Variants in KIF11 observed in about 807,000 individuals in gnomAD.
The protein encoded by KIF11 is kinesin family member 11, also known as kinesin-like protein KIF11.
Under a neutral mutation model 121.0 loss-of-function variants are expected in KIF11, and 9 were observed. The observed-to-expected ratio is 0.07, with a 90% CI of 0.04 to 0.13. KIF11 has a LOEUF of 0.13. Ranked by LOEUF, KIF11 falls within the 10% of genes least tolerant of loss-of-function variation. The probability of loss-of-function intolerance (pLI) is 1.00; values close to 1 mark genes in which losing one functional copy is unlikely to be tolerated. For synonymous variants in KIF11, 408 were observed against 421.0 expected (o/e 0.97, Z 0.38); for missense variants, 846 against 1,217.5 (o/e 0.69, Z 4.54).
intron 8 of KIF11, among the ~76,000 whole-genome samples, chr10:92,614,434 G>A (rs1216458683): frequency 6.6e-6 from 1 of 152,126 alleles, no homozygotes; most frequent in Non-Finnish European, 1.5e-5. Flanking sequence ...AAAGAATCTG[G>A]ACATTGCATA....
intron 10 of KIF11, among the ~76,000 whole-genome samples, chr10:92,624,300 G>A (rs570989695): frequency 5.7e-5 from 8 of 141,532 alleles, no homozygotes; most frequent in South Asian, 2.2e-4. Context: ...GTGTGATCTC[G>A]GCTCACTGCA....
chr10:92,647,764 A>G (rs1039501188), intron 18 of KIF11, among the ~76,000 whole-genome samples: 17 of 152,138 alleles, frequency 1.1e-4, no homozygotes, highest in African/African-American at 4.1e-4. Context: ...AAGCTGGGTA[A>G]TGAATACAAG....
chr10:92,644,474 C>T (rs755000028), intron 17 of KIF11, among the ~76,000 whole-genome samples: 14 of 152,106 alleles, frequency 9.2e-5, no homozygotes, highest in Admixed American at 3.9e-4. Flanking sequence ...CCCACCACCA[C>T]GCCCGGCTAA....
intron 17 of KIF11, among the ~76,000 whole-genome samples, chr10:92,642,830 CT>C (rs771920831): frequency 4.6e-5 from 7 of 152,116 alleles, no homozygotes; most frequent in Non-Finnish European, 1.0e-4. Context: ...TGGTCTAAGT[CT>C]TTATATTTAA....
At chr10:92,596,270 C>T (rs1486240079) in intron 1 of KIF11, among the ~76,000 whole-genome samples, 3 of 152,228 alleles carry the variant, frequency 2.0e-5, no homozygotes, top group East Asian at 1.9e-4. Flanking sequence ...CCCTAAGAGC[C>T]GGGATTACAG....
In KIF11 at chr10:92,606,541, A is replaced by G. The variant is rs1589590354; in HGVS notation, c.211-78A>G. On this transcript the variant is annotated intron_variant, in intron 2 of 21. Transcript: ENST00000260731. ...CTTCTAGTGGGCTGAATTATGAATT[A>G]GTTAACATACGAAAAACAAAATTAT... 5.2e-6 allele frequency: 6 copies of G among 1,162,482 alleles called. No homozygotes were observed. In the East Asian group the frequency reaches 1.5e-4, roughly 28 times the overall value. 72.0% of individuals were successfully genotyped at this position (1,162,482 alleles called of 1,614,324 possible). A position where few individuals can be genotyped will look rare whatever the true frequency, so the allele number is the denominator to read the frequency against.
In KIF11 at chr10:92,648,304, T is replaced by C; in HGVS notation, c.2640T>C (p.Phe880=). The C allele has an allele frequency of 6.2e-7, 1 of 1,613,034 alleles. No homozygotes were observed. The highest frequency in any genetic ancestry group is 8.5e-7 in the Non-Finnish European group (1 of 1,179,058). ...KAAHEKQHNI[F]LDQMTIDEDK... The stretch of plus-strand genomic sequence containing the variant: ...CTCATGAGAAACAGCATAACATTTT[T>C]CTTGATCAGATGACTATTGATGAAG... The change falls in exon 19 of 22, where the codon TTT becomes TTC. Residue 880 remains phenylalanine (F), a synonymous_variant. Coordinates refer to ENST00000260731, the MANE Select transcript of KIF11 (RefSeq NM_004523.4).
At chr10:92,643,177 G>T (rs1451489237) in intron 17 of KIF11, among the ~76,000 whole-genome samples, 1 of 152,148 alleles carries the variant, frequency 6.6e-6, no homozygotes, top group African/African-American at 2.4e-5. Flanking sequence ...CTCCCAAAGT[G>T]CTGGGATTAT....
rs1845017164 is a variant in KIF11, at chr10:92,653,982, G to C, written c.*186G>C. On this transcript the variant is annotated 3_prime_UTR_variant, in exon 22 of 22. Coordinates refer to ENST00000260731, the MANE Select transcript of KIF11 (RefSeq NM_004523.4). ...GTGGATTGCTTGAGCCCAGGAGTTTGAGACCAGCCTGGCCAACGTGGCAAA... is the reference window on the plus strand; with the variant it reads ...GTGGATTGCTTGAGCCCAGGAGTTTCAGACCAGCCTGGCCAACGTGGCAAA... 9.5e-6 allele frequency: 4 copies of C among 422,468 alleles called. No individual in the cohort carries two copies. The highest frequency in any genetic ancestry group is 1.7e-5 in the Non-Finnish European group (4 of 236,130). 26.2% of individuals were successfully genotyped at this position (422,468 alleles called of 1,614,324 possible).
intron 10 of KIF11, among the ~76,000 whole-genome samples, chr10:92,628,549 A>C (rs1172438879): frequency 2.6e-5 from 4 of 152,156 alleles, no homozygotes; most frequent in Admixed American, 1.3e-4. Context: ...TTCCCCTCAT[A>C]GGTAGGGATT....
chr10:92,650,045 G>C, intron 20 of KIF11, 59 bp downstream of exon 20: 3 of 1,273,796 alleles, frequency 2.4e-6, no homozygotes, highest in Non-Finnish European at 3.3e-6. Context: ...TGATGTGGCT[G>C]ACTTCATGTG....
chr10:92,610,588 A>G (rs1283404087), intron 6 of KIF11, among the ~76,000 whole-genome samples: 1 of 152,138 alleles, frequency 6.6e-6, no homozygotes, highest in Non-Finnish European at 1.5e-5. Context: ...AGAAAAAGCA[A>G]TGGATTGCAA....
In KIF11 at chr10:92,655,277, C is replaced by T. The variant is rs1282477950; in HGVS notation, c.*1481C>T. The T allele has an allele frequency of 6.6e-6, 1 of 152,094 alleles. No homozygotes were observed. Among genetic ancestry groups the T allele is most frequent in the African/African-American group, 2.4e-5 (1 of 41,408 alleles). The allele number at this position is 152,094 out of a possible 1,614,324, so 9.4% of individuals were successfully genotyped here. A position where few individuals can be genotyped will look rare whatever the true frequency, so the allele number is the denominator to read the frequency against. On this transcript the variant is annotated 3_prime_UTR_variant, in exon 22 of 22. Coordinates refer to ENST00000260731, the MANE Select transcript of KIF11 (RefSeq NM_004523.4). Reference sequence around the variant, plus strand: ...AACTAAATTGATCTCGTAGAATTATCTTAATAAAATAATGGCTATAATTTC... The same window carrying T: ...AACTAAATTGATCTCGTAGAATTATTTTAATAAAATAATGGCTATAATTTC...
rs567346520 is a variant in KIF11, at chr10:92,613,709, C to T, written c.1032+90C>T. The T allele has an allele frequency of 7.4e-6, 9 of 1,214,994 alleles. No individual in the cohort carries two copies. The East Asian group carries it at 1.7e-4, about 23-fold the overall frequency. 75.3% of individuals were successfully genotyped at this position (1,214,994 alleles called of 1,614,324 possible). On this transcript the variant is annotated intron_variant, in intron 8 of 21. Transcript: ENST00000260731. The surrounding 1 kb of genome is among the most constrained non-coding windows in gnomAD (Gnocchi z 4.2). ...TTAAAAGTTCATTTACTAGGATGGA[C>T]ACAGTGACTCACACCTGTAAACCCA...
At chr10:92,628,663 A>AGGTATCAAGTGACACTTG (rs1250913188) in intron 10 of KIF11, 145 bp from the exon 11 acceptor site, 3 of 459,494 alleles carry the variant, frequency 6.5e-6, no homozygotes, top group African/African-American at 2.0e-5. Context: ...TTATTGACAC[A>AGGTATCAAGTGACACTTG]GGTATCAAGT....
intron 14 of KIF11, among the ~76,000 whole-genome samples, chr10:92,634,837 G>C (rs1237108811): frequency 2.0e-5 from 3 of 152,130 alleles, no homozygotes; most frequent in Non-Finnish European, 4.4e-5. Context: ...AGGGGATATT[G>C]GGTAGCTGAT....
chr10:92,651,584 C>T (rs1203618373), intron 21 of KIF11, among the ~76,000 whole-genome samples: 2 of 122,066 alleles, frequency 1.6e-5, no homozygotes, highest in East Asian at 5.9e-4. Context: ...TCAGGCTGGT[C>T]TCGAACTCCC....
chr10:92,605,432 C>T (rs148785998), intron 1 of KIF11, among the ~76,000 whole-genome samples: 1 of 150,674 alleles, frequency 6.6e-6, no homozygotes, highest in Non-Finnish European at 1.5e-5. Flanking sequence ...GTATTTTGAA[C>T]ACAAATTTGA....
chr10:92,594,333 G>C (rs1844267954), intron 1 of KIF11, among the ~76,000 whole-genome samples: 1 of 152,212 alleles, frequency 6.6e-6, no homozygotes, highest in Non-Finnish European at 1.5e-5. Context: ...CTGGTAACTT[G>C]AATTGTGGAT....
Sources: gnomAD v4.1 joint callset for allele counts (sites outside exome capture counted in the v4.1 genomes callset) on GRCh38, gnomAD v4.1.1 for gene constraint, Gnocchi (gnomAD v3.1) non-coding constraint, MANE v1.5 for transcripts, NCBI Gene and HGNC (gene_info 2026-07-23, HGNC 2026-07-21) for gene names.